NPAS3: variants seen among roughly 807,000 people sequenced by gnomAD.
NPAS3 encodes neuronal PAS domain protein 3, also known as neuronal PAS domain-containing protein 3.
NPAS3 carries 14 observed loss-of-function variants against 73.1 expected under a neutral mutation model. The ratio of observed to expected loss-of-function variants is 0.19; its 90% CI spans 0.13 to 0.30. The LOEUF (loss-of-function observed/expected upper bound fraction) is 0.30, where lower values mean the gene tolerates loss of function less well. Among genes scored for constraint, NPAS3 ranks in the 10% least tolerant of loss-of-function variants. NPAS3 has a pLI of 1.00. For synonymous variants in NPAS3, 620 were observed against 541.5 expected (o/e 1.14, Z -2.01); for missense variants, 1,096 against 1,250.0 (o/e 0.88, Z 1.86).
intron 2 of NPAS3, among the ~76,000 whole-genome samples, chr14:33,175,076 T>C (rs923152304): frequency 1.3e-5 from 2 of 152,208 alleles, no homozygotes; most frequent in East Asian, 1.9e-4. Flanking sequence ...GTATTTTTTT[T>C]CTCTGATACT....
At chr14:33,497,744 C>T (rs1256382793) in intron 4 of NPAS3, among the ~76,000 whole-genome samples, 2 of 152,140 alleles carry the variant, frequency 1.3e-5, no homozygotes, top group East Asian at 1.9e-4. Flanking sequence ...TCATAAAAAC[C>T]CTAGAAGAAA....
At chr14:33,678,971 A>G (rs1371584449) in intron 6 of NPAS3, among the ~76,000 whole-genome samples, 7 of 152,212 alleles carry the variant, frequency 4.6e-5, no homozygotes, top group African/African-American at 1.7e-4. Flanking sequence ...GAGAATATAT[A>G]TCTCCTTCAA....
At chr14:33,138,214 C>T (rs2043913787) in intron 2 of NPAS3, among the ~76,000 whole-genome samples, 1 of 148,436 alleles carries the variant, frequency 6.7e-6, no homozygotes, top group Non-Finnish European at 1.5e-5. Flanking sequence ...CTCCCCCCAC[C>T]TCACAACAGG....
At chr14:33,197,267 G>GTGTGTGTGTGTGTGTGT (rs1555353807) in intron 2 of NPAS3, among the ~76,000 whole-genome samples, 3 of 148,720 alleles carry the variant, frequency 2.0e-5, no homozygotes, top group African/African-American at 5.1e-5. Context: ...GTGTGTGTGT[G>GTGTGTGTGTGTGTGTGT]TTCTTTTTCA....
chr14:33,506,386 T>C (rs1413840813), intron 4 of NPAS3, among the ~76,000 whole-genome samples: 3 of 152,050 alleles, frequency 2.0e-5, no homozygotes, highest in Non-Finnish European at 4.4e-5. Flanking sequence ...ATGCTGCCCA[T>C]ATATAAGTGA....
At chr14:33,554,134 C>T (rs1223117565) in intron 4 of NPAS3, among the ~76,000 whole-genome samples, 1 of 152,248 alleles carries the variant, frequency 6.6e-6, no homozygotes, top group African/African-American at 2.4e-5. Flanking sequence ...GGCAGACCCA[C>T]TTCTTCCCAA....
intron 5 of NPAS3, among the ~76,000 whole-genome samples, chr14:33,570,329 C>A (rs1333359503): frequency 6.6e-6 from 1 of 152,150 alleles, no homozygotes; most frequent in Non-Finnish European, 1.5e-5. Context: ...CATGATCCGA[C>A]TGTTCAGTCT....
At chr14:33,372,670 G>C (rs1358404860) in intron 4 of NPAS3, among the ~76,000 whole-genome samples, 2 of 152,138 alleles carry the variant, frequency 1.3e-5, no homozygotes, top group Non-Finnish European at 2.9e-5. Flanking sequence ...GAGAGTTGAG[G>C]GTTCAAGGGA....
rs1037474783 is a variant in NPAS3 at position 33,545,806 on chromosome 14, G to A, written c.469-14315G>A. On this transcript the variant is annotated intron_variant, in intron 4 of 11. Transcript: ENST00000356141. ...CATGGTGAAGAAAACTAGAGGGTGCGGTCAAGAGAGGTCACTGTATAGTGC... is the reference window on the plus strand; with the variant it reads ...CATGGTGAAGAAAACTAGAGGGTGCAGTCAAGAGAGGTCACTGTATAGTGC... 8.5e-5 allele frequency among the ~76,000 whole-genome samples: 13 copies of A among 152,272 alleles called. No homozygotes were observed. In the South Asian group the frequency reaches 1.9e-3, roughly 22 times the overall value.
At chr14:33,272,266 T>G (rs146756934) in intron 3 of NPAS3, among the ~76,000 whole-genome samples, 1 of 152,236 alleles carries the variant, frequency 6.6e-6, no homozygotes, top group Non-Finnish European at 1.5e-5. Flanking sequence ...GAACACCACC[T>G]TCTTGATCAC....
chr14:33,561,335 G>A (rs555897339), intron 5 of NPAS3, among the ~76,000 whole-genome samples: 14 of 152,298 alleles, frequency 9.2e-5, no homozygotes, highest in African/African-American at 3.4e-4. Flanking sequence ...GAGAGATTTG[G>A]CATGTAAGGA....
At chr14:33,580,930 C>T in intron 5 of NPAS3, among the ~76,000 whole-genome samples, 1 of 152,212 alleles carries the variant, frequency 6.6e-6, no homozygotes, top group Admixed American at 6.5e-5. Flanking sequence ...TCCATTTATG[C>T]TTCTAAACCC....
intron 1 of NPAS3, among the ~76,000 whole-genome samples, chr14:32,944,368 T>C (rs922880868): frequency 6.6e-6 from 1 of 152,236 alleles, no homozygotes; most frequent in Non-Finnish European, 1.5e-5. Context: ...GGCTGAAACT[T>C]AGTAAATAAG....
chr14:33,478,708 C>A (rs544191605), intron 4 of NPAS3, among the ~76,000 whole-genome samples: 2 of 152,242 alleles, frequency 1.3e-5, no homozygotes, highest in South Asian at 2.1e-4. Flanking sequence ...TCTTGAATAG[C>A]CCTGTAATCT....
chr14:33,119,537 A>T (rs1044575050), intron 2 of NPAS3, among the ~76,000 whole-genome samples: 2 of 152,116 alleles, frequency 1.3e-5, no homozygotes, highest in Admixed American at 6.6e-5. Context: ...GATTTGTACT[A>T]CACCAGATAA....
intron 5 of NPAS3, among the ~76,000 whole-genome samples, chr14:33,576,700 G>A (rs182191062): frequency 1.3e-5 from 2 of 152,034 alleles, no homozygotes; most frequent in Admixed American, 1.3e-4. Context: ...TTAACATGAT[G>A]ATCAGAAAGG....
At chr14:33,294,911 T>C (rs1238315705) in intron 3 of NPAS3, among the ~76,000 whole-genome samples, 1 of 152,150 alleles carries the variant, frequency 6.6e-6, no homozygotes, top group East Asian at 1.9e-4. Context: ...GTGGAAGGAA[T>C]GTGGGGCCAG....
At chr14:33,169,949 A>G (rs1033570478) in intron 2 of NPAS3, among the ~76,000 whole-genome samples, 2 of 152,214 alleles carry the variant, frequency 1.3e-5, no homozygotes, top group Non-Finnish European at 2.9e-5. Context: ...AAAGTGACCT[A>G]GTACATAACT....
chr14:33,383,999 T>C (rs566504029), intron 4 of NPAS3, among the ~76,000 whole-genome samples: 148 of 152,298 alleles, frequency 9.7e-4, no homozygotes, highest in Middle Eastern at 6.8e-3. Flanking sequence ...AACTTTGAAA[T>C]CCGCATGATA....
Sources: allele counts gnomAD v4.1 joint callset (sites outside exome capture counted in the v4.1 genomes callset), GRCh38; gene constraint gnomAD v4.1.1; transcripts MANE v1.5; gene names NCBI Gene and HGNC (gene_info 2026-07-23, HGNC 2026-07-21).